The following MRPS6 variants were observed in gnomAD, a reference collection of about 807,000 sequenced individuals.
MRPS6 encodes the protein small ribosomal subunit protein bS6m.
MRPS6 carries 6 observed loss-of-function variants against 13.1 expected under a neutral mutation model. That is an observed-to-expected ratio of 0.46 (90% CI 0.25 to 0.91). The LOEUF is 0.91. MRPS6 is among the 40% of genes least tolerant of loss of function. MRPS6 has a pLI of 0.18. For missense variants in MRPS6, 164 were observed against 155.6 expected (o/e 1.05, Z -0.29); for synonymous variants, 61 against 56.5 (o/e 1.08, Z -0.36).
At chr21:34,094,882 A>G (rs1046274598) in intron 1 of MRPS6, 1 of 287,556 alleles carries the variant, frequency 3.5e-6, no homozygotes, top group Non-Finnish European at 6.4e-6. Flanking sequence ...AGTAGGCTTC[A>G]CTAGACTTAG....
intron 1 of MRPS6, chr21:34,105,141 T>C: frequency 1.0e-6 from 1 of 1,000,278 alleles, no homozygotes; most frequent in Non-Finnish European, 1.2e-6. Context: ...GTATGGAATT[T>C]GTTCCCTTGC....
chr21:34,096,661 C>G lies in MRPS6; in HGVS notation c.45+22916C>G, dbSNP rs752872402. 6.2e-7 allele frequency: 1 copy of G among 1,614,080 alleles called. No homozygotes were observed. The highest frequency in any genetic ancestry group is 1.7e-5 in the Admixed American group (1 of 60,012). On this transcript the variant is annotated intron_variant, in intron 1 of 2. Transcript: ENST00000399312. This position sits in a 1 kb window ranked among gnomAD's most constrained non-coding sequence, Gnocchi z 5.9. ...CTTGGAGCAGTCCGTTTGATACTGG[C>G]CTTTGCCTACCGTGCCCCAGAATGT...
intron 2 of MRPS6, among the ~76,000 whole-genome samples, chr21:34,137,045 A>T (rs148598513): frequency 6.6e-6 from 1 of 152,304 alleles, no homozygotes; most frequent in East Asian, 1.9e-4. Flanking sequence ...GTATCTGTAC[A>T]TGAATATCAT....
At position 34,126,075 on chromosome 21, in the gene MRPS6, C is replaced by T. The variant is rs571765943; in HGVS notation, c.185+595C>T. On this transcript the variant is annotated intron_variant, in intron 2 of 2. Transcript: ENST00000399312. Reference sequence around the variant, plus strand: ...TTTGTAGAATAGATTTGAATCTTCTCATGTTGTAGGATTTCCTAGGAGTGG... The same window carrying T: ...TTTGTAGAATAGATTTGAATCTTCTTATGTTGTAGGATTTCCTAGGAGTGG... Among the ~76,000 whole-genome samples, 42 of 152,314 alleles carry T rather than the reference C, an allele frequency of 2.8e-4. 1 individual carries two copies. In the South Asian group the frequency reaches 6.0e-3, roughly 22 times the overall value.
rs1471065415 is a variant in MRPS6 at position 34,093,613 on chromosome 21, C to T, written c.45+19868C>T. ...AGAAAAAGCATGGAAAAACATTCTT[C>T]TCTGAGGTTGCCTTATTGGAAAAGG... On this transcript the variant is annotated intron_variant, in intron 1 of 2. Coordinates refer to ENST00000399312, the MANE Select transcript of MRPS6 (RefSeq NM_032476.4). Among the ~76,000 whole-genome samples, 9 of 151,914 alleles carry T rather than the reference C, an allele frequency of 5.9e-5. No individual in the cohort carries two copies. In the South Asian group the frequency reaches 1.7e-3, roughly 28 times the overall value.
At chr21:34,092,861 T>A (rs1458321851) in intron 1 of MRPS6, among the ~76,000 whole-genome samples, 2 of 152,178 alleles carry the variant, frequency 1.3e-5, no homozygotes, top group Non-Finnish European at 2.9e-5. Flanking sequence ...GGAAGAGTGA[T>A]ACCTGATTAG....
chr21:34,088,720 G>A (rs1978525306), intron 1 of MRPS6, among the ~76,000 whole-genome samples: 1 of 152,166 alleles, frequency 6.6e-6, no homozygotes, highest in Non-Finnish European at 1.5e-5. Context: ...GTGGCCTGGG[G>A]TGAGTTATAC....
chr21:34,116,214 G>GTGTGTGTGTGTGTGTA (rs1448441396), intron 1 of MRPS6, among the ~76,000 whole-genome samples: 2 of 145,368 alleles, frequency 1.4e-5, no homozygotes, highest in African/African-American at 5.2e-5. Context: ...GTGTGTGTGT[G>GTGTGTGTGTGTGTGTA]TGTATGTGTG....
At chr21:34,100,938 T>C (rs1979208918) in intron 1 of MRPS6, 3 of 1,000,176 alleles carry the variant, frequency 3.0e-6, no homozygotes, top group Non-Finnish European at 3.6e-6. Context: ...TGTTAAAGCT[T>C]ACAGGGTTAA....
intron 2 of MRPS6, among the ~76,000 whole-genome samples, chr21:34,133,627 A>G (rs1179657408): frequency 6.6e-6 from 1 of 152,200 alleles, no homozygotes; most frequent in East Asian, 1.9e-4. Flanking sequence ...AGGGAGGGGC[A>G]TGGAGCACTC....
chr21:34,101,888 A>G, intron 1 of MRPS6: 4 of 1,000,230 alleles, frequency 4.0e-6, no homozygotes, highest in Non-Finnish European at 4.8e-6. Context: ...AGAGAGCAGT[A>G]GTGATCATTT....
chr21:34,101,058 A>T, intron 1 of MRPS6: 2 of 1,000,158 alleles, frequency 2.0e-6, no homozygotes, highest in Non-Finnish European at 2.4e-6. Context: ...GGATAGAGAG[A>T]TGTATACAAG....
At chr21:34,097,117 G>A (rs752644017) in intron 1 of MRPS6, 31 of 1,613,900 alleles carry the variant, frequency 1.9e-5, no homozygotes, top group Non-Finnish European at 2.5e-5. Flanking sequence ...GCTCTCATGG[G>A]TGAGAAAGAG....
At chr21:34,086,506 C>G (rs1978384493) in intron 1 of MRPS6, among the ~76,000 whole-genome samples, 1 of 127,534 alleles carries the variant, frequency 7.8e-6, no homozygotes, top group Admixed American at 8.9e-5. Context: ...GTGTTTATTT[C>G]TAGTTTGTGT....
At chr21:34,115,939 A>G (rs1253602255) in intron 1 of MRPS6, among the ~76,000 whole-genome samples, 2 of 148,732 alleles carry the variant, frequency 1.3e-5, no homozygotes, top group African/African-American at 2.5e-5. Context: ...TTTTTGGAAG[A>G]TACATGGATG....
At chr21:34,125,100 T>A in intron 1 of MRPS6, 1 of 528,888 alleles carries the variant, frequency 1.9e-6, no homozygotes, top group Non-Finnish European at 3.0e-6. Flanking sequence ...CCCTGGTCCC[T>A]GAACTCTCCG....
chr21:34,093,826 A>G (rs1978833670), intron 1 of MRPS6, among the ~76,000 whole-genome samples: 2 of 152,206 alleles, frequency 1.3e-5, no homozygotes, highest in Non-Finnish European at 2.9e-5. Flanking sequence ...CAGAGTGATT[A>G]TCTTAATCCA....
chr21:34,139,345 A>T (rs1980827131), intron 2 of MRPS6, among the ~76,000 whole-genome samples: 1 of 152,086 alleles, frequency 6.6e-6, no homozygotes, highest in African/African-American at 2.4e-5. Context: ...ATAAAAAAAA[A>T]TTGGTATTTT....
In MRPS6 at chr21:34,104,047, C is replaced by G. The variant is rs1421591728; in HGVS notation, c.46-21294C>G. Reference sequence around the variant, plus strand: ...GTGCCCCCCCAAACATGCAGAAAGTCATACTTTAACAGGGCAAATACTACT... The same window carrying G: ...GTGCCCCCCCAAACATGCAGAAAGTGATACTTTAACAGGGCAAATACTACT... On this transcript the variant is annotated intron_variant, in intron 1 of 2. Transcript: ENST00000399312. 3.0e-6 allele frequency: 3 copies of G among 999,936 alleles called. No homozygotes were observed. In the African/African-American group the frequency reaches 5.2e-5, roughly 17 times the overall value. The allele number at this position is 999,936 out of a possible 1,614,324, so 61.9% of individuals were successfully genotyped here.
Sources: gnomAD v4.1 joint callset for allele counts (sites outside exome capture counted in the v4.1 genomes callset) on GRCh38, gnomAD v4.1.1 for gene constraint, Gnocchi (gnomAD v3.1) non-coding constraint, MANE v1.5 for transcripts, NCBI Gene and HGNC (gene_info 2026-07-23, HGNC 2026-07-21) for gene names.